Variants in FTO observed in about 807,000 individuals in gnomAD.
FTO encodes alpha-ketoglutarate-dependent dioxygenase FTO.
In FTO, 47 loss-of-function variants were observed where a neutral mutation model predicts 63.9. The ratio of observed to expected loss-of-function variants is 0.74; its 90% CI spans 0.58 to 0.94. The LOEUF (loss-of-function observed/expected upper bound fraction) is 0.94. Among genes scored for constraint, FTO ranks in the 40% least tolerant of loss-of-function variants. The pLI, the probability that FTO is intolerant of heterozygous loss-of-function variation, is 0.00. For synonymous variants in FTO, 207 were observed against 224.4 expected, an observed-to-expected ratio of 0.92 and a Z score of 0.69; for missense variants, 562 against 618.1, an observed-to-expected ratio of 0.91 and a Z score of 0.96.
intron 8 of FTO, among the ~76,000 whole-genome samples, chr16:53,964,853 T>C (rs1463444559): frequency 1.3e-5 from 2 of 152,240 alleles, no homozygotes; most frequent in Non-Finnish European, 2.9e-5. Context: ...TAAAATAGTA[T>C]GAAGATTTCA....
In FTO at chr16:53,879,968, G is replaced by A. The variant is rs1435299421; in HGVS notation, c.1100G>A (p.Gly367Glu). Residue 367 changes from glycine (G) to glutamate (E), a missense_variant, in exon 6 of 9, where the codon GGA (glycine) becomes GAA (glutamate). Gly to Glu is a moderately conservative substitution (Grantham distance 98). Transcript: ENST00000471389. ...TTTGAGCCTGCAGTTTTGAAACAAG[G>A]AGAAGAAATTCATAATGAGGTAAGG... ...KSFEPAVLKQ[G>E]EEIHNEVEFE... 1 of 1,613,584 alleles carries A rather than the reference G, an allele frequency of 6.2e-7. No individual in the cohort carries two copies. The highest frequency in any genetic ancestry group is 2.2e-5 in the East Asian group (1 of 44,832).
intron 1 of FTO, among the ~76,000 whole-genome samples, chr16:53,745,572 A>G (rs1397024294): frequency 6.6e-6 from 1 of 152,236 alleles, no homozygotes; most frequent in African/African-American, 2.4e-5. Flanking sequence ...GTCCACAAAG[A>G]TAAGATAGAT....
intron 2 of FTO, among the ~76,000 whole-genome samples, chr16:53,815,376 G>GT (rs2078645953): frequency 1.3e-5 from 2 of 152,122 alleles, no homozygotes; most frequent in South Asian, 4.2e-4. Context: ...GTCCCTGGTG[G>GT]TTTTACCTCT....
At chr16:54,010,164 A>G (rs2084303498) in intron 8 of FTO, among the ~76,000 whole-genome samples, 2 of 152,152 alleles carry the variant, frequency 1.3e-5, no homozygotes, top group Admixed American at 6.5e-5. Flanking sequence ...CTGTAATCCC[A>G]GCACTTTGGG....
chr16:53,711,493 C>G (rs929090107), intron 1 of FTO: 1 of 398,376 alleles, frequency 2.5e-6, no homozygotes, highest in Non-Finnish European at 4.4e-6. Flanking sequence ...AGTTTTATCA[C>G]GGGAGGACAC....
intron 8 of FTO, among the ~76,000 whole-genome samples, chr16:53,976,457 G>GTT (rs59195557): frequency 5.3e-5 from 8 of 150,624 alleles, no homozygotes; most frequent in Non-Finnish European, 1.0e-4. Context: ...TATGTGTCAG[G>GTT]TTTTTTTTTG....
intron 1 of FTO, among the ~76,000 whole-genome samples, chr16:53,750,756 A>T (rs1318951995): frequency 6.6e-6 from 1 of 152,178 alleles, no homozygotes; most frequent in East Asian, 1.9e-4. Flanking sequence ...GAGAATTGGG[A>T]ACTCATTGCT....
chr16:53,812,627 C>T (rs893009596), intron 2 of FTO, among the ~76,000 whole-genome samples: 11 of 152,130 alleles, frequency 7.2e-5, no homozygotes, highest in African/African-American at 2.4e-4. Flanking sequence ...TCAATGCATG[C>T]ACCCAATAGT....
chr16:53,712,855 T>A (rs1039591416), intron 1 of FTO, among the ~76,000 whole-genome samples: 29 of 152,172 alleles, frequency 1.9e-4, no homozygotes, highest in African/African-American at 7.0e-4. Flanking sequence ...TGATTCTGGA[T>A]CCTTGGCTGC....
At chr16:53,933,064 A>G (rs1255103896) in intron 7 of FTO, among the ~76,000 whole-genome samples, 1 of 152,220 alleles carries the variant, frequency 6.6e-6, no homozygotes, top group Non-Finnish European at 1.5e-5. Context: ...AGCAATAGAA[A>G]CAACAAATGT....
intron 7 of FTO, among the ~76,000 whole-genome samples, chr16:53,890,322 A>G (rs571552388): frequency 2.0e-5 from 3 of 152,362 alleles, no homozygotes; most frequent in East Asian, 3.9e-4. Flanking sequence ...ACCTGAGTTT[A>G]GAGATACATG....
At chr16:54,038,609 T>C (rs1422537664) in intron 8 of FTO, among the ~76,000 whole-genome samples, 1 of 152,160 alleles carries the variant, frequency 6.6e-6, no homozygotes, top group Admixed American at 6.5e-5. Flanking sequence ...TCTGGGTGGA[T>C]CCCTCATGAA....
At chr16:53,705,825 C>G (rs1360215053) in intron 1 of FTO, among the ~76,000 whole-genome samples, 1 of 152,184 alleles carries the variant, frequency 6.6e-6, no homozygotes, top group Non-Finnish European at 1.5e-5. Flanking sequence ...TTCATTTATT[C>G]TGTGAAGATT....
rs5816921 is a variant in FTO at position 54,067,172 on chromosome 16, T to TA, written c.1365-44579dup. 4.0e-4 allele frequency among the ~76,000 whole-genome samples: 60 copies of TA among 148,188 alleles called. 1 individual carries two copies. The highest frequency in any genetic ancestry group is 7.0e-3 in the Middle Eastern group (2 of 286). On this transcript the variant is annotated intron_variant, in intron 8 of 8. Coordinates refer to ENST00000471389, the MANE Select transcript of FTO (RefSeq NM_001080432.3). ...TTTGTTTTCTTTTTTTGAATAGACT[T>TA]AAAAAAAAAAACTTTGCCTATGCAT...
At chr16:54,109,086 C>T (rs959820741) in intron 8 of FTO, among the ~76,000 whole-genome samples, 1 of 152,174 alleles carries the variant, frequency 6.6e-6, no homozygotes, top group Non-Finnish European at 1.5e-5. Context: ...TCATGGGTGA[C>T]TACATCACCT....
At chr16:54,088,267 A>G (rs1303267260) in intron 8 of FTO, among the ~76,000 whole-genome samples, 2 of 152,234 alleles carry the variant, frequency 1.3e-5, no homozygotes, top group Non-Finnish European at 2.9e-5. Flanking sequence ...ACTCAATAAT[A>G]TGCCTTATGT....
At chr16:53,756,023 CA>C (rs1285383232) in intron 1 of FTO, among the ~76,000 whole-genome samples, 1 of 152,144 alleles carries the variant, frequency 6.6e-6, no homozygotes, top group African/African-American at 2.4e-5. Context: ...ATGAAAACGC[CA>C]AACCCTTGGA....
intron 7 of FTO, among the ~76,000 whole-genome samples, chr16:53,921,176 T>C (rs1259674617): frequency 6.6e-6 from 1 of 152,238 alleles, no homozygotes; most frequent in Non-Finnish European, 1.5e-5. Flanking sequence ...TGTTAGGGAC[T>C]GAGCTGTCAG....
chr16:53,992,486 A>C (rs1567501841), intron 8 of FTO: 1 of 152,118 alleles, frequency 6.6e-6, no homozygotes, highest in African/African-American at 2.4e-5. Context: ...ATTTGGCCAG[A>C]TAGTACTTCA....
Sources: allele counts gnomAD v4.1 joint callset (sites outside exome capture counted in the v4.1 genomes callset), GRCh38; gene constraint gnomAD v4.1.1; transcripts MANE v1.5; gene names NCBI Gene and HGNC (gene_info 2026-07-23, HGNC 2026-07-21).